The following EHHADH variants were observed in gnomAD, a reference collection of about 807,000 sequenced individuals.
The protein encoded by EHHADH is peroxisomal bifunctional enzyme.
A neutral mutation model predicts 64.4 loss-of-function variants in EHHADH; 48 were observed. The ratio of observed to expected loss-of-function variants is 0.75; its 90% CI spans 0.59 to 0.95. The LOEUF (loss-of-function observed/expected upper bound fraction) is 0.95, where lower values mean the gene tolerates loss of function less well. Ranked by LOEUF, EHHADH falls within the 40% of genes least tolerant of loss-of-function variation. EHHADH has a pLI of 0.00. For synonymous variants in EHHADH, 308 were observed against 326.7 expected, an observed-to-expected ratio of 0.94 and a Z score of 0.62; for missense variants, 854 against 876.6, an observed-to-expected ratio of 0.97 and a Z score of 0.33.
chr3:185,194,942 T>C (rs998438036), intron 6 of EHHADH, among the ~76,000 whole-genome samples: 1 of 151,462 alleles, frequency 6.6e-6, no homozygotes, highest in African/African-American at 2.4e-5. Context: ...TTATGGCCAA[T>C]TGATTTTTAA....
intron 6 of EHHADH, among the ~76,000 whole-genome samples, chr3:185,203,875 C>T (rs893952372): frequency 2.6e-4 from 40 of 152,046 alleles, no homozygotes; most frequent in Admixed American, 3.9e-4. Flanking sequence ...AATGGTGGCT[C>T]ACACCTGTAA....
At chr3:185,248,862 T>G (rs1719668969) in intron 1 of EHHADH, among the ~76,000 whole-genome samples, 1 of 152,142 alleles carries the variant, frequency 6.6e-6, no homozygotes, top group African/African-American at 2.4e-5. Context: ...GTACAAGGAG[T>G]TATCCAATAC....
At chr3:185,217,751 A>G (rs1420110972) in intron 5 of EHHADH, among the ~76,000 whole-genome samples, 3 of 125,318 alleles carry the variant, frequency 2.4e-5, no homozygotes, top group Non-Finnish European at 5.0e-5. Flanking sequence ...TAAATTACCC[A>G]GCCTCAGGAT....
chr3:185,235,310 A>G lies in EHHADH; in HGVS notation c.331T>C (p.Tyr111His). 1 of 1,613,242 alleles carries G rather than the reference A, an allele frequency of 6.2e-7. No individual in the cohort carries two copies. Among genetic ancestry groups the G allele is most frequent in the Non-Finnish European group, 8.5e-7 (1 of 1,179,600 alleles). Residue 111 changes from tyrosine to histidine, a missense_variant, in exon 3 of 7, where the codon TAT (tyrosine) becomes CAT (histidine). Physicochemically the swap from Tyr to His is moderately conservative, Grantham distance 83. Coordinates refer to ENST00000231887, the MANE Select transcript of EHHADH (RefSeq NM_001966.4). ...GGLELALGCH[Y>H]RIAHAEAQVG... is the part of the protein sequence containing the mutation. ...GTTACCTCTGCGTGGGCAATCCTAT[A>G]GTGACAGCCCAGGGCCAGCTCTAGT...
rs1165043161 is a variant in EHHADH at position 185,216,383 on chromosome 3, C to T, written c.568+1753G>A. 6.6e-6 allele frequency among the ~76,000 whole-genome samples: 1 copy of T among 152,180 alleles called. No homozygotes were observed. The highest frequency in any genetic ancestry group is 2.4e-5 in the African/African-American group (1 of 41,446). On this transcript the variant is annotated intron_variant, in intron 5 of 6. Transcript: ENST00000231887. The surrounding 1 kb of genome is among the most constrained non-coding windows in gnomAD (Gnocchi z 5.3). ...GATGTGAATGACAGACACGGGTCTA[C>T]CTTTAGCAAACCAAAGAATCATTTC... is the stretch of plus-strand genomic sequence containing the variant.
At chr3:185,206,287 A>T (rs2108630822) in intron 5 of EHHADH, among the ~76,000 whole-genome samples, 1 of 150,686 alleles carries the variant, frequency 6.6e-6, no homozygotes, top group East Asian at 1.9e-4. Flanking sequence ...AAACAATAAA[A>T]AAAAAAAAAA....
intron 2 of EHHADH, among the ~76,000 whole-genome samples, chr3:185,247,220 A>C (rs1719619551): frequency 6.6e-6 from 1 of 152,180 alleles, no homozygotes; most frequent in Non-Finnish European, 1.5e-5. Flanking sequence ...TAAATGTATT[A>C]AGTCAAGTTT....
At chr3:185,201,904 T>C (rs955629179) in intron 6 of EHHADH, among the ~76,000 whole-genome samples, 1 of 152,256 alleles carries the variant, frequency 6.6e-6, no homozygotes, top group African/African-American at 2.4e-5. Context: ...TTAATTATTC[T>C]TGACTTGAAG....
intron 1 of EHHADH, among the ~76,000 whole-genome samples, chr3:185,251,532 T>C (rs1354364358): frequency 6.6e-6 from 1 of 152,144 alleles, no homozygotes; most frequent in East Asian, 1.9e-4. Flanking sequence ...CTGGTGTTTA[T>C]CTGAATGGAA....
intron 5 of EHHADH, among the ~76,000 whole-genome samples, chr3:185,206,289 A>G (rs1306616589): frequency 6.6e-6 from 1 of 152,154 alleles, no homozygotes; most frequent in Non-Finnish European, 1.5e-5. Flanking sequence ...ACAATAAAAA[A>G]AAAAAAAAAT....
At chr3:185,233,808 G>T (rs975901498) in intron 3 of EHHADH, among the ~76,000 whole-genome samples, 4 of 152,236 alleles carry the variant, frequency 2.6e-5, no homozygotes, top group African/African-American at 9.6e-5. Flanking sequence ...AGCATGCCCA[G>T]CTAATTTTTG....
chr3:185,210,367 C>T (rs1194777835), intron 5 of EHHADH, among the ~76,000 whole-genome samples: 1 of 151,984 alleles, frequency 6.6e-6, no homozygotes, highest in Non-Finnish European at 1.5e-5. Flanking sequence ...AGAATCTTTG[C>T]CGGGCACAGT....
rs756040803 is a variant in EHHADH, at chr3:185,235,415, G to A, written c.226C>T (p.Leu76=). 7 of 1,613,764 alleles carry A rather than the reference G, an allele frequency of 4.3e-6. No homozygotes were observed. The highest frequency in any genetic ancestry group is 1.6e-4 in the Middle Eastern group (1 of 6,084). ...FSAPRTFGLT[L]GHVVDEIQRN... ...TGTATTTCATCTACTACATGTCCCA[G>A]TGTAAGGCCAAATGTCCTAGGAGCA... Residue 76 remains leucine (L), a synonymous_variant, in exon 3 of 7, where the codon CTG becomes TTG. Coordinates refer to ENST00000231887, the MANE Select transcript of EHHADH (RefSeq NM_001966.4).
chr3:185,240,709 A>C (rs1719425498), intron 2 of EHHADH, among the ~76,000 whole-genome samples: 1 of 152,092 alleles, frequency 6.6e-6, no homozygotes, highest in African/African-American at 2.4e-5. Flanking sequence ...CTTTTCAAAG[A>C]ACCAACTTTT....
Position 185,204,277 on chromosome 3 carries a change from A to G in EHHADH, c.910+139T>C, listed in dbSNP as rs1462618259. 7 of 728,418 alleles carry G rather than the reference A, an allele frequency of 9.6e-6. No homozygotes were observed. The African/African-American group carries it at 1.1e-4, about 11-fold the overall frequency. The allele number at this position is 728,418 out of a possible 1,614,324, so 45.1% of individuals were successfully genotyped here. A position where few individuals can be genotyped will look rare whatever the true frequency, so the allele number is the denominator to read the frequency against. On this transcript the variant is annotated intron_variant, in intron 6 of 6. Coordinates refer to ENST00000231887, the MANE Select transcript of EHHADH (RefSeq NM_001966.4). The stretch of plus-strand genomic sequence containing the variant: ...CCTCTCATGTTAAAGAAGAGAGCTC[A>G]TGGGGTGGTGTGAGAATTAGCTTAG...
chr3:185,247,495 T>C (rs1341879654), intron 2 of EHHADH, among the ~76,000 whole-genome samples: 3 of 152,168 alleles, frequency 2.0e-5, no homozygotes, highest in Non-Finnish European at 4.4e-5. Flanking sequence ...AAATGAGGAT[T>C]GTAGGACTAA....
chr3:185,219,775 G>A (rs1412689487), intron 4 of EHHADH, among the ~76,000 whole-genome samples: 4 of 152,148 alleles, frequency 2.6e-5, no homozygotes, highest in Non-Finnish European at 5.9e-5. Flanking sequence ...TTACAGTGTT[G>A]GTGGATGCCA....
rs779898866 is a variant in EHHADH at position 185,204,573 on chromosome 3, C to T, written c.753G>A (p.Lys251=). The T allele has an allele frequency of 1.2e-6, 2 of 1,614,218 alleles. No homozygotes were observed. The highest frequency in any genetic ancestry group is 1.7e-5 in the Admixed American group (1 of 60,028). The stretch of plus-strand genomic sequence containing the variant: ...AAAGATATAGAAACAGCTCCTCCTC[C>T]TTCTTGATGCCCACTTCATAGGGAT... ...VQYPYEVGIK[K]EEELFLYLLQ... The change falls in exon 6 of 7, where the codon AAG becomes AAA. Residue 251 remains lysine, a synonymous_variant. Transcript: ENST00000231887.
At chr3:185,219,579 G>GTA (rs1718781306) in intron 4 of EHHADH, among the ~76,000 whole-genome samples, 1 of 152,216 alleles carries the variant, frequency 6.6e-6, no homozygotes. Flanking sequence ...TTCACCAGTT[G>GTA]TAAATATGCA....
Sources: gnomAD v4.1 joint callset for allele counts (sites outside exome capture counted in the v4.1 genomes callset) on GRCh38, gnomAD v4.1.1 for gene constraint, Gnocchi (gnomAD v3.1) non-coding constraint, MANE v1.5 for transcripts, NCBI Gene and HGNC (gene_info 2026-07-23, HGNC 2026-07-21) for gene names.